PTCHD1: variants seen among roughly 807,000 people sequenced by gnomAD.
PTCHD1 encodes patched domain containing 1.
In PTCHD1, 3 loss-of-function variants were observed where a neutral mutation model predicts 34.6. That is an observed-to-expected ratio of 0.09 (90% CI 0.04 to 0.22). The LOEUF is 0.22. Ranked by LOEUF, PTCHD1 falls within the 10% of genes least tolerant of loss-of-function variation. The pLI is 1.00. For missense variants in PTCHD1, 504 were observed against 685.5 expected, an observed-to-expected ratio of 0.74 and a Z score of 2.96; for synonymous variants, 305 against 283.1, an observed-to-expected ratio of 1.08 and a Z score of -0.77.
intron 1 of PTCHD1, among the ~76,000 whole-genome samples, chrX:23,342,310 AT>A (rs1174366015): frequency 0.013 from 169 of 12,882 alleles, no homozygotes; most frequent in South Asian, 0.018. Context: ...ATATATATAT[AT>A]TTTTTTTTTT....
At chrX:23,349,316 T>C (rs949242375) in intron 1 of PTCHD1, among the ~76,000 whole-genome samples, 1 of 111,788 alleles carries the variant, frequency 8.9e-6, no homozygotes, top group African/African-American at 3.2e-5. Context: ...ATATCAATAA[T>C]CACTTTAAGT....
chrX:23,378,835 G>A (rs1279754043), intron 1 of PTCHD1, among the ~76,000 whole-genome samples: 1 of 112,452 alleles, frequency 8.9e-6, no homozygotes, highest in African/African-American at 3.2e-5. Flanking sequence ...CAAGCATTCA[G>A]TACCTGGGCA....
chrX:23,403,396 A>C lies in PTCHD1; in HGVS notation c.*9211A>C, dbSNP rs1262455097. 1 of 112,137 alleles carries C rather than the reference A, an allele frequency of 8.9e-6. No individual in the cohort carries two copies. The highest frequency in any genetic ancestry group is 1.9e-5 in the Non-Finnish European group (1 of 53,233). The allele number at this position is 112,137 out of a possible 1,213,427, so 9.2% of individuals were successfully genotyped here. On this transcript the variant is annotated 3_prime_UTR_variant, in exon 3 of 3. Coordinates refer to ENST00000379361, the MANE Select transcript of PTCHD1 (RefSeq NM_173495.3). The stretch of plus-strand genomic sequence containing the variant: ...TCAGTTTTGAGACAGATAAGCATAA[A>C]ACCCTACTAGAAAAAAATAATAGTC...
At chrX:23,338,213 G>A (rs1274509257) in intron 1 of PTCHD1, among the ~76,000 whole-genome samples, 1 of 111,701 alleles carries the variant, frequency 9.0e-6, no homozygotes, top group East Asian at 2.8e-4. Flanking sequence ...AGGACCTGGT[G>A]GTGCTGATAA....
intron 1 of PTCHD1, among the ~76,000 whole-genome samples, chrX:23,345,074 A>C (rs1271242250): frequency 1.8e-5 from 2 of 111,792 alleles, no homozygotes; most frequent in Non-Finnish European, 3.8e-5. Context: ...AATGTTGCGA[A>C]ATTTTGCAGA....
rs752435741 is a variant in PTCHD1, at chrX:23,394,647, T to A, written c.*462T>A. 8.1e-6 allele frequency: 1 copy of A among 122,798 alleles called. No homozygotes were observed. The highest frequency in any genetic ancestry group is 3.2e-5 in the African/African-American group (1 of 31,107). 10.1% of individuals were successfully genotyped at this position (122,798 alleles called of 1,213,427 possible). ...GGCTTCCAGAACTTCTGTAGAGCAGTAGCTCCAGTCATGGTCTGTGGTTTG... is the reference window on the plus strand; with the variant it reads ...GGCTTCCAGAACTTCTGTAGAGCAGAAGCTCCAGTCATGGTCTGTGGTTTG... On this transcript the variant is annotated 3_prime_UTR_variant, in exon 3 of 3. Transcript: ENST00000379361.
At chrX:23,367,159 C>T (rs951791968) in intron 1 of PTCHD1, among the ~76,000 whole-genome samples, 1 of 112,239 alleles carries the variant, frequency 8.9e-6, no homozygotes, top group African/African-American at 3.2e-5. Context: ...TGTTCTTTAT[C>T]TCTCCAGGGC....
At chrX:23,335,646 A>G (rs1428977146) in intron 1 of PTCHD1, among the ~76,000 whole-genome samples, 1 of 112,045 alleles carries the variant, frequency 8.9e-6, no homozygotes, top group Non-Finnish European at 1.9e-5. Flanking sequence ...GGATTCCGAG[A>G]TACCCCTCCC....
At chrX:23,355,847 A>G (rs1921788240) in intron 1 of PTCHD1, among the ~76,000 whole-genome samples, 1 of 112,509 alleles carries the variant, frequency 8.9e-6, no homozygotes, top group South Asian at 3.7e-4. Flanking sequence ...TTACAAATGC[A>G]TATATTAATA....
chrX:23,351,782 C>T (rs1311650394), intron 1 of PTCHD1, among the ~76,000 whole-genome samples: 1 of 111,765 alleles, frequency 8.9e-6, no homozygotes, highest in African/African-American at 3.3e-5. Flanking sequence ...TTTGGTTCAG[C>T]GCTAGGATAG....
intron 1 of PTCHD1, among the ~76,000 whole-genome samples, chrX:23,375,927 C>G (rs1198160543): frequency 1.8e-5 from 2 of 111,942 alleles, no homozygotes; most frequent in Non-Finnish European, 3.8e-5. Context: ...AGCCTTAAAA[C>G]TAATCTCAAT....
intron 1 of PTCHD1, among the ~76,000 whole-genome samples, chrX:23,360,906 A>G (rs1921962397): frequency 1.8e-5 from 2 of 111,706 alleles, no homozygotes; most frequent in Admixed American, 9.5e-5. Context: ...TTCGTTATTT[A>G]CCCAGTAGTC....
chrX:23,356,221 C>T (rs746094975), intron 1 of PTCHD1, among the ~76,000 whole-genome samples: 1 of 112,052 alleles, frequency 8.9e-6, no homozygotes, highest in Non-Finnish European at 1.9e-5. Flanking sequence ...GTATTGCGTG[C>T]CTACTCTCCA....
intron 1 of PTCHD1, among the ~76,000 whole-genome samples, chrX:23,359,184 G>C (rs1475803282): frequency 1.8e-5 from 2 of 112,437 alleles, no homozygotes; most frequent in Non-Finnish European, 3.8e-5. Context: ...ATTCTGTGAA[G>C]AAAGTCATTG....
At chrX:23,380,282 G>A (rs756967668) in intron 2 of PTCHD1, 31 bp downstream of exon 2, 123 of 1,169,361 alleles carry the variant, frequency 1.1e-4, no homozygotes, top group Middle Eastern at 2.4e-4. Flanking sequence ...TTCTGTTTCC[G>A]CCTGCTGGTG....
chrX:23,353,616 A>C (rs1194421904), intron 1 of PTCHD1, among the ~76,000 whole-genome samples: 1 of 101,480 alleles, frequency 9.9e-6, no homozygotes, highest in Admixed American at 9.8e-5. Flanking sequence ...AAACAAAAAA[A>C]AAAAACGTAA....
intron 1 of PTCHD1, among the ~76,000 whole-genome samples, chrX:23,343,968 T>G (rs1485188107): frequency 8.9e-6 from 1 of 112,680 alleles, no homozygotes; most frequent in Non-Finnish European, 1.9e-5. Context: ...CAAGTAGTCC[T>G]ACTGAGTAAA....
chrX:23,344,133 C>T (rs1921413819), intron 1 of PTCHD1, among the ~76,000 whole-genome samples: 1 of 112,331 alleles, frequency 8.9e-6, no homozygotes, highest in African/African-American at 3.2e-5. Context: ...ATCAGCAGAA[C>T]ACACTTGGAG....
chrX:23,350,392 C>A (rs970477261), intron 1 of PTCHD1, among the ~76,000 whole-genome samples: 2 of 111,400 alleles, frequency 1.8e-5, no homozygotes, highest in Non-Finnish European at 3.8e-5. Context: ...TGGGAGTCAT[C>A]AAAGGGAAAA....
Sources: gnomAD v4.1 joint callset for allele counts (sites outside exome capture counted in the v4.1 genomes callset) on GRCh38, gnomAD v4.1.1 for gene constraint, MANE v1.5 for transcripts, NCBI Gene and HGNC (gene_info 2026-07-23, HGNC 2026-07-21) for gene names.